Variants in HS6ST2 observed in about 807,000 individuals in gnomAD.
The protein encoded by HS6ST2 is heparan sulfate 6-O-sulfotransferase 2.
A neutral mutation model predicts 33.0 loss-of-function variants in HS6ST2; 17 were observed. The observed-to-expected ratio is 0.52, with a 90% CI of 0.35 to 0.77. HS6ST2 has a LOEUF of 0.77. Among genes scored for constraint, HS6ST2 ranks in the 30% least tolerant of loss-of-function variants. HS6ST2 has a pLI of 0.01. For missense variants in HS6ST2, 519 were observed against 551.7 expected, an observed-to-expected ratio of 0.94 and a Z score of 0.59; for synonymous variants, 248 against 237.1, an observed-to-expected ratio of 1.05 and a Z score of -0.42.
intron 2 of HS6ST2, among the ~76,000 whole-genome samples, chrX:132,825,690 A>G (rs923645865): frequency 8.9e-6 from 1 of 111,850 alleles, no homozygotes; most frequent in African/African-American, 3.2e-5. Flanking sequence ...TGATACAGGG[A>G]CTGGACCCTA....
chrX:132,724,147 G>GAAAAT (rs2064368327), intron 2 of HS6ST2, among the ~76,000 whole-genome samples: 2 of 68,322 alleles, frequency 2.9e-5, no homozygotes, highest in Non-Finnish European at 8.1e-5. Flanking sequence ...AAAAAGAAAA[G>GAAAAT]AAAAGAAAAG....
chrX:132,845,677 T>A (rs1222541190), intron 2 of HS6ST2, among the ~76,000 whole-genome samples: 1 of 111,132 alleles, frequency 9.0e-6, no homozygotes, highest in African/African-American at 3.3e-5. Flanking sequence ...AGAAATCCCA[T>A]CCGGCAACTT....
intron 2 of HS6ST2, among the ~76,000 whole-genome samples, chrX:132,837,472 C>T (rs920090182): frequency 2.7e-5 from 3 of 111,327 alleles, no homozygotes; most frequent in African/African-American, 6.5e-5. Flanking sequence ...GAATGCTGGC[C>T]CCACTGGCCA....
chrX:132,711,784 G>T (rs1426402869), intron 2 of HS6ST2, among the ~76,000 whole-genome samples: 1 of 111,855 alleles, frequency 8.9e-6, no homozygotes, highest in Non-Finnish European at 1.9e-5. Context: ...ACATAGAGTG[G>T]CAGATTCTTT....
intron 2 of HS6ST2, among the ~76,000 whole-genome samples, chrX:132,787,294 TA>T (rs2148338362): frequency 1.1e-5 from 1 of 92,570 alleles, no homozygotes; most frequent in East Asian, 3.3e-4. Context: ...TTATATAATA[TA>T]TATATATATT....
In HS6ST2 at chrX:132,828,473, C is replaced by T. The variant is rs1248145320; in HGVS notation, c.948-119979G>A. 3.7e-5 allele frequency among the ~76,000 whole-genome samples: 4 copies of T among 108,105 alleles called. No homozygotes were observed. The East Asian group carries it at 8.6e-4, about 23-fold the overall frequency. The allele number at this position is 108,105 out of a possible 115,157, so 93.9% of individuals were successfully genotyped here. ...CTGCCAATGTAAGGTGGCAGAAATC[C>T]GAGCAACACCAAAGCCATGGCAATC... On this transcript the variant is annotated intron_variant, in intron 2 of 4. Coordinates refer to ENST00000370833, the MANE Select transcript of HS6ST2 (RefSeq NM_001394073.1).
chrX:132,768,364 G>A (rs1445250346), intron 2 of HS6ST2, among the ~76,000 whole-genome samples: 1 of 107,188 alleles, frequency 9.3e-6, no homozygotes, highest in Non-Finnish European at 1.9e-5. Context: ...AACTCAGGGT[G>A]AGTGGGATCT....
chrX:132,708,389 G>A (rs1383586527), intron 3 of HS6ST2, 73 bp downstream of exon 3: 5 of 659,879 alleles, frequency 7.6e-6, no homozygotes, highest in Non-Finnish European at 8.3e-6. Flanking sequence ...AAATTAAACG[G>A]ACAGGCAACT....
chrX:132,938,030 T>C (rs769107165), intron 2 of HS6ST2, among the ~76,000 whole-genome samples: 11 of 107,834 alleles, frequency 1.0e-4, no homozygotes, highest in Non-Finnish European at 2.1e-4. Context: ...GGAATAGTGA[T>C]GCACACCTGT....
At chrX:132,660,261 G>T (rs2063761785) in intron 4 of HS6ST2, among the ~76,000 whole-genome samples, 1 of 111,327 alleles carries the variant, frequency 9.0e-6, no homozygotes, top group Non-Finnish European at 1.9e-5. Context: ...AATGAATAAA[G>T]AATTTAATCC....
chrX:132,894,641 A>G (rs1271510406), intron 2 of HS6ST2, among the ~76,000 whole-genome samples: 4 of 110,031 alleles, frequency 3.6e-5, no homozygotes, highest in Non-Finnish European at 7.6e-5. Context: ...GGTTCAAGTG[A>G]TTCTCCTGCT....
chrX:132,956,597 A>C (rs1324308164), intron 2 of HS6ST2, among the ~76,000 whole-genome samples: 4 of 112,549 alleles, frequency 3.6e-5, no homozygotes, highest in Non-Finnish European at 7.5e-5. Context: ...GCGGACAGAC[A>C]GACGGTCAGT....
chrX:132,628,853 G>T lies in HS6ST2; in HGVS notation c.1308C>A (p.Asp436Glu), dbSNP rs1276079845. The T allele has an allele frequency of 8.3e-7, 1 of 1,211,768 alleles. No individual in the cohort carries two copies. Among genetic ancestry groups the T allele is most frequent in the East Asian group, 3.0e-5 (1 of 33,818 alleles). Reference sequence around the variant, plus strand: ...GGTTGTAGCAGCCTACCAGGGTCAGGTCGGAGAGCATGCGCACCTGGCGGT... The same window carrying T: ...GGTTGTAGCAGCCTACCAGGGTCAGTTCGGAGAGCATGCGCACCTGGCGGT... Reference protein sequence around the residue: ...ANNRQVRMLSDLTLVGCYNLS... With the variant: ...ANNRQVRMLSELTLVGCYNLS... Residue 436 changes from aspartate to glutamate, a missense_variant, in exon 5 of 5, where the codon GAC becomes GAA. Coordinates refer to ENST00000370833, the MANE Select transcript of HS6ST2 (RefSeq NM_001394073.1).
intron 2 of HS6ST2, among the ~76,000 whole-genome samples, chrX:132,708,767 C>A (rs746862471): frequency 9.0e-6 from 1 of 110,838 alleles, no homozygotes; most frequent in Non-Finnish European, 1.9e-5. Flanking sequence ...CTACCACTCA[C>A]TCATGCTAAT....
chrX:132,822,020 A>T (rs188461395), intron 2 of HS6ST2, among the ~76,000 whole-genome samples: 272 of 110,110 alleles, frequency 2.5e-3, no homozygotes, highest in Middle Eastern at 4.6e-3. Context: ...GCACTTGCTT[A>T]TGTGCCAAGC....
Position 132,718,838 on chromosome X carries a change from G to A in HS6ST2, c.948-10344C>T, listed in dbSNP as rs1011565079. On this transcript the variant is annotated intron_variant, in intron 2 of 4. Coordinates refer to ENST00000370833, the MANE Select transcript of HS6ST2 (RefSeq NM_001394073.1). Reference sequence around the variant, plus strand: ...CAGTGGATAGGCCAGGGACCCACAGGGAAAGAGAAGTTGGCAGACAGATCA... The same window carrying A: ...CAGTGGATAGGCCAGGGACCCACAGAGAAAGAGAAGTTGGCAGACAGATCA... Among the ~76,000 whole-genome samples, 8 of 110,140 alleles carry A rather than the reference G, an allele frequency of 7.3e-5. No individual in the cohort carries two copies. In the Admixed American group the frequency reaches 7.7e-4, roughly 11 times the overall value.
chrX:132,834,466 A>G (rs2065622849), intron 2 of HS6ST2, among the ~76,000 whole-genome samples: 1 of 111,943 alleles, frequency 8.9e-6, no homozygotes, highest in East Asian at 2.8e-4. Flanking sequence ...TCATTCATAC[A>G]GTCAAGGTCC....
At chrX:132,686,249 C>T (rs1000668214) in intron 3 of HS6ST2, among the ~76,000 whole-genome samples, 9 of 112,582 alleles carry the variant, frequency 8.0e-5, no homozygotes, top group Non-Finnish European at 1.7e-4. Flanking sequence ...TAACCAGTGT[C>T]AGACAACAAC....
At chrX:132,639,677 G>A (rs2063587350) in intron 4 of HS6ST2, among the ~76,000 whole-genome samples, 3 of 111,715 alleles carry the variant, frequency 2.7e-5, no homozygotes, top group African/African-American at 9.8e-5. Context: ...GCCATCCCTT[G>A]AGGATTGGCA....
Sources: allele counts gnomAD v4.1 joint callset (sites outside exome capture counted in the v4.1 genomes callset), GRCh38; gene constraint gnomAD v4.1.1; transcripts MANE v1.5; gene names NCBI Gene and HGNC (gene_info 2026-07-23, HGNC 2026-07-21).